BCAS3: variants seen among roughly 807,000 people sequenced by gnomAD.
The protein encoded by BCAS3 is BCAS3 microtubule associated cell migration factor.
A neutral mutation model predicts 116.1 loss-of-function variants in BCAS3; 53 were observed. That is an observed-to-expected ratio of 0.46 (90% CI 0.37 to 0.57). BCAS3 has a LOEUF of 0.57. Among genes scored for constraint, BCAS3 ranks in the 20% least tolerant of loss-of-function variants. BCAS3 has a pLI of 0.00. For missense variants in BCAS3, 917 were observed against 1,165.4 expected (o/e 0.79, Z 3.10); for synonymous variants, 391 against 408.2 (o/e 0.96, Z 0.51).
At chr17:60,755,384 A>C (rs1313401149) in intron 6 of BCAS3, among the ~76,000 whole-genome samples, 2 of 152,202 alleles carry the variant, frequency 1.3e-5, no homozygotes, top group Non-Finnish European at 2.9e-5. Flanking sequence ...CCATTATCCT[A>C]ATTCACAGGT....
chr17:60,814,372 A>T (rs1283736105), intron 7 of BCAS3, among the ~76,000 whole-genome samples: 4 of 151,622 alleles, frequency 2.6e-5, no homozygotes, highest in Non-Finnish European at 5.9e-5. Flanking sequence ...CGTTATTTGT[A>T]TATAGAAATG....
chr17:60,872,201 A>G (rs894124085), intron 8 of BCAS3, among the ~76,000 whole-genome samples: 3 of 151,924 alleles, frequency 2.0e-5, no homozygotes, highest in African/African-American at 7.3e-5. Context: ...CTAGTTTTAA[A>G]TATTCTATGT....
intron 22 of BCAS3, among the ~76,000 whole-genome samples, chr17:61,209,086 T>G (rs758809260): frequency 7.3e-5 from 11 of 150,674 alleles, no homozygotes; most frequent in Non-Finnish European, 1.2e-4. Context: ...ATCCACTGTG[T>G]GGAAGAGTGA....
At chr17:61,187,838 TTCTTTCG>T (rs1428215724) in intron 22 of BCAS3, among the ~76,000 whole-genome samples, 1 of 151,918 alleles carries the variant, frequency 6.6e-6, no homozygotes, top group East Asian at 1.9e-4. Context: ...CTTTCTTTCT[TTCTTTCG>T]TTTTAACAGA....
intron 13 of BCAS3, 98 bp from the exon 14 acceptor site, chr17:60,947,121 C>G (rs531578222): frequency 2.5e-6 from 3 of 1,194,204 alleles, no homozygotes; most frequent in Non-Finnish European, 3.5e-6. Context: ...AATTTTTTTC[C>G]CATTGGTAAT....
intron 22 of BCAS3, among the ~76,000 whole-genome samples, chr17:61,103,198 A>G (rs1377871586): frequency 6.6e-6 from 1 of 152,210 alleles, no homozygotes; most frequent in Non-Finnish European, 1.5e-5. Flanking sequence ...TTATGCTGGT[A>G]TAACAGTGTA....
intron 22 of BCAS3, among the ~76,000 whole-genome samples, chr17:61,318,404 C>A (rs906069490): frequency 2.0e-5 from 3 of 152,210 alleles, no homozygotes; most frequent in African/African-American, 4.8e-5. Flanking sequence ...CCTCTCCTGT[C>A]TTCCCTGCCT....
chr17:60,963,150 A>C (rs531581858), intron 14 of BCAS3, among the ~76,000 whole-genome samples: 1 of 152,202 alleles, frequency 6.6e-6, no homozygotes, highest in South Asian at 2.1e-4. Context: ...ACCTGTAGTA[A>C]ATTTTGAAGT....
intron 22 of BCAS3, among the ~76,000 whole-genome samples, chr17:61,163,430 G>GAAA (rs11438901): frequency 8.3e-5 from 12 of 144,348 alleles, no homozygotes; most frequent in African/African-American, 1.8e-4. Flanking sequence ...TCTCAGAAAG[G>GAAA]AAAAAAAAAA....
rs760315144 is a variant in BCAS3, at chr17:61,070,388, TATATATATATATC to T, written c.2030-4531_2030-4519del. 1.5e-4 allele frequency: 26 copies of T among 172,236 alleles called. 1 individual carries two copies. Among genetic ancestry groups the T allele is most frequent in the Admixed American group, 5.8e-4 (8 of 13,852 alleles). 10.7% of individuals were successfully genotyped at this position (172,236 alleles called of 1,614,324 possible). ...CTGAATATATATATATATATATATA[TATATATATATATC>T]TTTTCACCATTTAAAAAAAATAGAA... is the stretch of plus-strand genomic sequence containing the variant. On this transcript the variant is annotated intron_variant, in intron 19 of 23. Transcript: ENST00000407086.
At chr17:60,898,295 AT>A (rs1396834321) in intron 10 of BCAS3, among the ~76,000 whole-genome samples, 1 of 152,118 alleles carries the variant, frequency 6.6e-6, no homozygotes, top group Non-Finnish European at 1.5e-5. Context: ...GTGTCTTTAC[AT>A]TGATATTTGC....
chr17:61,108,559 G>A (rs749176604), intron 22 of BCAS3, among the ~76,000 whole-genome samples: 7 of 144,324 alleles, frequency 4.9e-5, no homozygotes, highest in Non-Finnish European at 9.1e-5. Context: ...CTTCCTGTAG[G>A]TTATGGAACA....
chr17:60,795,182 A>G (rs1173565241), intron 6 of BCAS3, among the ~76,000 whole-genome samples: 1 of 152,120 alleles, frequency 6.6e-6, no homozygotes, highest in Non-Finnish European at 1.5e-5. Context: ...TGCAGCTATT[A>G]TAAAAGGGCT....
At chr17:60,826,405 G>C (rs145844353) in intron 7 of BCAS3, among the ~76,000 whole-genome samples, 196 of 152,078 alleles carry the variant, frequency 1.3e-3, no homozygotes, top group African/African-American at 4.4e-3. Flanking sequence ...AAATTCCTGG[G>C]CTCAAGTGAT....
chr17:61,066,740 A>G (rs1184725037), intron 19 of BCAS3, among the ~76,000 whole-genome samples: 2 of 152,144 alleles, frequency 1.3e-5, no homozygotes, highest in African/African-American at 2.4e-5. Flanking sequence ...ATTTGATTCC[A>G]TAAAATTGAG....
rs1442477240 is a variant in BCAS3 at position 61,249,119 on chromosome 17, C to G, written c.2426-119208C>G. Among the ~76,000 whole-genome samples, 3 of 152,038 alleles carry G rather than the reference C, an allele frequency of 2.0e-5. No individual in the cohort carries two copies. The highest frequency in any genetic ancestry group is 7.2e-5 in the African/African-American group (3 of 41,394). ...TGGCCAACATGGTGAAACCCCATCT[C>G]TACTAAAAATACAAAAAATTAGCCG... On this transcript the variant is annotated intron_variant, in intron 22 of 23. Coordinates refer to ENST00000407086, the MANE Select transcript of BCAS3 (RefSeq NM_017679.5). The surrounding 1 kb of genome is among the most constrained non-coding windows in gnomAD (Gnocchi z 6.2).
At chr17:61,238,830 A>G (rs2144490939) in intron 22 of BCAS3, among the ~76,000 whole-genome samples, 1 of 152,170 alleles carries the variant, frequency 6.6e-6, no homozygotes, top group Non-Finnish European at 1.5e-5. Flanking sequence ...GGTGATTGGC[A>G]GGGTCAGTCA....
chr17:60,703,323 T>A (rs1226440912), intron 4 of BCAS3, among the ~76,000 whole-genome samples: 2 of 151,706 alleles, frequency 1.3e-5, no homozygotes, highest in Non-Finnish European at 2.9e-5. Context: ...GCGCGGTGGC[T>A]CACCCTTGTA....
intron 8 of BCAS3, among the ~76,000 whole-genome samples, chr17:60,872,266 T>C (rs1290095261): frequency 6.6e-6 from 1 of 151,918 alleles, no homozygotes; most frequent in Non-Finnish European, 1.5e-5. Flanking sequence ...TATGTGTATA[T>C]AGTGTGTGTA....
Sources: gnomAD v4.1 joint callset for allele counts (sites outside exome capture counted in the v4.1 genomes callset) on GRCh38, gnomAD v4.1.1 for gene constraint, Gnocchi (gnomAD v3.1) non-coding constraint, MANE v1.5 for transcripts, NCBI Gene and HGNC (gene_info 2026-07-23, HGNC 2026-07-21) for gene names.